Variants in CDKN2B-AS1 observed in about 807,000 individuals in gnomAD.
CDKN2B-AS1 encodes CDKN2B and CDKN2A antisense cis and trans regulatory RNA 1.
At chr9:22,012,356 C>A in intron 1 of CDKN2B-AS1, 1 of 1,153,896 alleles carries the variant, frequency 8.7e-7, no homozygotes, top group Non-Finnish European at 1.3e-6. Flanking sequence ...GCCCACCCCG[C>A]ACCTGGTGCT....
chr9:22,125,456 G>A (rs1319064767), intron 4 of CDKN2B-AS1, among the ~76,000 whole-genome samples: 2 of 152,058 alleles, frequency 1.3e-5, no homozygotes, highest in South Asian at 2.1e-4. Flanking sequence ...CAAATTTATG[G>A]TCACTACCCT....
chr9:22,035,413 T>A (rs1822647547), intron 1 of CDKN2B-AS1, among the ~76,000 whole-genome samples: 1 of 152,116 alleles, frequency 6.6e-6, no homozygotes, highest in South Asian at 2.1e-4. Flanking sequence ...GGTGCATGTG[T>A]TTGTTTATTT....
chr9:22,085,029 G>T (rs72652411), intron 4 of CDKN2B-AS1, among the ~76,000 whole-genome samples: 6,948 of 152,190 alleles, frequency 0.046, 177 homozygotes, highest in Non-Finnish European at 0.053. Flanking sequence ...CAGGAGAAAT[G>T]TTAGTAGAGT....
intron 1 of CDKN2B-AS1, chr9:22,032,745 G>C (rs1822530288): frequency 6.6e-6 from 1 of 151,634 alleles, no homozygotes; most frequent in African/African-American, 2.4e-5. Flanking sequence ...TTCCTGCAGG[G>C]ATTCCCTCTA....
At chr9:22,122,311 G>A (rs1023976726) in intron 4 of CDKN2B-AS1, among the ~76,000 whole-genome samples, 4 of 152,108 alleles carry the variant, frequency 2.6e-5, no homozygotes, top group Non-Finnish European at 5.9e-5. Flanking sequence ...CTTGTCAGAT[G>A]AGTAGTTTGC....
At chr9:22,067,267 A>T (rs375326456) in intron 4 of CDKN2B-AS1, among the ~76,000 whole-genome samples, 2 of 152,234 alleles carry the variant, frequency 1.3e-5, no homozygotes, top group African/African-American at 4.8e-5. Context: ...GAGACTAAGC[A>T]TGATTTTTCT....
intron 1 of CDKN2B-AS1, among the ~76,000 whole-genome samples, chr9:22,031,558 T>C (rs757743345): frequency 6.6e-6 from 1 of 152,116 alleles, no homozygotes; most frequent in African/African-American, 2.4e-5. Context: ...TAAGGAAACT[T>C]AGAGCTAAAA....
At chr9:22,023,605 T>TG (rs1200112012) in intron 1 of CDKN2B-AS1, among the ~76,000 whole-genome samples, 1 of 150,672 alleles carries the variant, frequency 6.6e-6, no homozygotes, top group Non-Finnish European at 1.5e-5. Context: ...TAGCTGGGCA[T>TG]GGGGGAACAT....
In CDKN2B-AS1 at chr9:22,006,155, C is replaced by T. The variant is rs142570894; in HGVS notation, n.29+10994C>T. ...AGCCCTCCCGGGCAGCATCATGCAC[C>T]GGTCGGGTGAGAGTGGCAGGGTCTG... On this transcript the variant is annotated intron_variant and non_coding_transcript_variant, in intron 1 of 4. Coordinates refer to ENST00000650946, the Ensembl canonical transcript of CDKN2B-AS1. The surrounding 1 kb of genome is among the most constrained non-coding windows in gnomAD (Gnocchi z 6.4). 6.2e-6 allele frequency: 10 copies of T among 1,611,652 alleles called. No homozygotes were observed. The highest frequency in any genetic ancestry group is 1.7e-4 in the Middle Eastern group (1 of 5,854).
chr9:22,101,480 A>T (rs1156785661), intron 4 of CDKN2B-AS1, among the ~76,000 whole-genome samples: 1 of 152,220 alleles, frequency 6.6e-6, no homozygotes, highest in Non-Finnish European at 1.5e-5. Flanking sequence ...GTAATGTCTC[A>T]GTTTTATATC....
chr9:22,070,960 C>T (rs1457790941), intron 4 of CDKN2B-AS1, among the ~76,000 whole-genome samples: 4 of 151,846 alleles, frequency 2.6e-5, no homozygotes, highest in Non-Finnish European at 5.9e-5. Context: ...GATACATGGG[C>T]CTTGGAAGCA....
At chr9:22,011,202 T>C (rs1434299809) in intron 1 of CDKN2B-AS1, among the ~76,000 whole-genome samples, 1 of 152,222 alleles carries the variant, frequency 6.6e-6, no homozygotes, top group Non-Finnish European at 1.5e-5. Flanking sequence ...AAAGCCCCTT[T>C]TCTCCCGTCA....
chr9:22,065,147 A>G (rs893890414), intron 4 of CDKN2B-AS1, among the ~76,000 whole-genome samples: 8 of 152,142 alleles, frequency 5.3e-5, no homozygotes, highest in African/African-American at 1.9e-4. Context: ...GTGGACTGGC[A>G]TTCTTCCCTG....
chr9:21,995,062 C>A (rs1820581537), upstream of CDKN2B-AS1: 1 of 152,168 alleles, frequency 6.6e-6, no homozygotes, highest in African/African-American at 2.4e-5. The surrounding 1 kb of genome is among the most constrained non-coding windows in gnomAD (Gnocchi z 5.7). Flanking sequence ...GGAAAACAAG[C>A]GAAATTAAAC....
Position 22,003,368 on chromosome 9 carries a change from G to A in CDKN2B-AS1, n.29+8207G>A, listed in dbSNP as rs1063192. On this transcript the variant is annotated intron_variant and non_coding_transcript_variant, in intron 1 of 4. Transcript: ENST00000650946. ...TTTTCTTTAGTTTCCCTTAATATCAGGTTGTCATTAGGAAAGATTCCACAA... is the reference window on the plus strand; with the variant it reads ...TTTTCTTTAGTTTCCCTTAATATCAAGTTGTCATTAGGAAAGATTCCACAA... 0.69 allele frequency: 154,422 copies of A among 223,992 alleles called. 55,584 individuals are homozygous for A. The highest frequency in any genetic ancestry group is 0.92 in the African/African-American group (41,612 of 45,006). The allele number at this position is 223,992 out of a possible 1,614,324, so 13.9% of individuals were successfully genotyped here. A position where few individuals can be genotyped will look rare whatever the true frequency, so the allele number is the denominator to read the frequency against.
At chr9:22,081,385 G>C (rs1343354984) in intron 4 of CDKN2B-AS1, among the ~76,000 whole-genome samples, 1 of 151,098 alleles carries the variant, frequency 6.6e-6, no homozygotes, top group Non-Finnish European at 1.5e-5. Context: ...TTGAAGTGAT[G>C]GACAGAGTGT....
At chr9:22,043,823 C>G (rs910192847) in intron 1 of CDKN2B-AS1, among the ~76,000 whole-genome samples, 1 of 151,898 alleles carries the variant, frequency 6.6e-6, no homozygotes, top group Admixed American at 6.6e-5. Context: ...AAATATGTTA[C>G]TACTAAATTA....
At chr9:22,121,289 T>A (rs534406290) in intron 4 of CDKN2B-AS1, among the ~76,000 whole-genome samples, 1 of 152,136 alleles carries the variant, frequency 6.6e-6, no homozygotes, top group South Asian at 2.1e-4. Context: ...TGGGTAGAGG[T>A]TGCTCAAAAA....
intron 3 of CDKN2B-AS1, among the ~76,000 whole-genome samples, chr9:22,053,289 T>C (rs530066171): frequency 3.3e-5 from 5 of 152,366 alleles, no homozygotes; most frequent in African/African-American, 1.2e-4. Context: ...CTGGGCTTTT[T>C]TAGCAAACGT....
Sources: allele counts gnomAD v4.1 joint callset (sites outside exome capture counted in the v4.1 genomes callset), GRCh38; gene constraint gnomAD v4.1.1; non-coding constraint Gnocchi (gnomAD v3.1); transcripts MANE v1.5; gene names NCBI Gene and HGNC (gene_info 2026-07-23, HGNC 2026-07-21).